CCNY: variants seen among roughly 807,000 people sequenced by gnomAD.
CCNY encodes the protein cyclin-Y.
CCNY carries 19 observed loss-of-function variants against 42.8 expected under a neutral mutation model. That is an observed-to-expected ratio of 0.44 (90% CI 0.31 to 0.65). The LOEUF is 0.65. Ranked by LOEUF, CCNY falls within the 30% of genes least tolerant of loss-of-function variation. CCNY has a pLI of 0.07. For missense variants in CCNY, 370 were observed against 437.3 expected, an observed-to-expected ratio of 0.85 and a Z score of 1.37; for synonymous variants, 165 against 162.7, an observed-to-expected ratio of 1.01 and a Z score of -0.11.
intron 1 of CCNY, among the ~76,000 whole-genome samples, chr10:35,476,885 A>G (rs1409268836): frequency 1.3e-5 from 2 of 152,144 alleles, no homozygotes; most frequent in African/African-American, 4.8e-5. Context: ...TTGATAGACC[A>G]CTAGCAAGAC....
chr10:35,261,366 A>T (rs112355105), intron 3 of CCNY, among the ~76,000 whole-genome samples: 55,094 of 151,172 alleles, frequency 0.36, 10,492 homozygotes, highest in African/African-American at 0.48. Context: ...GCTTCCCAAG[A>T]AGCTGAGATT....
chr10:35,383,418 C>T (rs1426435411), intron 1 of CCNY, among the ~76,000 whole-genome samples: 3 of 152,006 alleles, frequency 2.0e-5, no homozygotes, highest in Admixed American at 1.3e-4. Context: ...AGCAGTTCTC[C>T]TGCCCCAGCC....
chr10:35,460,514 T>G (rs1337806259), intron 1 of CCNY, among the ~76,000 whole-genome samples: 3 of 152,142 alleles, frequency 2.0e-5, no homozygotes, highest in African/African-American at 7.3e-5. Flanking sequence ...TTGGAATTTA[T>G]GTAGGTGAAA....
upstream of CCNY, chr10:35,335,902 A>G (rs1836013862): frequency 5.1e-5 from 3 of 58,556 alleles, no homozygotes; most frequent in African/African-American, 2.8e-4. Context: ...CTTTGGAGAC[A>G]CACACACACA....
intron 1 of CCNY, among the ~76,000 whole-genome samples, chr10:35,469,577 CAG>C (rs1839342336): frequency 7.2e-6 from 1 of 138,058 alleles, no homozygotes; most frequent in African/African-American, 3.4e-5. Flanking sequence ...GATGGACAGA[CAG>C]GGAGATGGAG....
intron 1 of CCNY, among the ~76,000 whole-genome samples, chr10:35,346,491 G>A: frequency 6.6e-6 from 1 of 152,244 alleles, no homozygotes; most frequent in Non-Finnish European, 1.5e-5. Flanking sequence ...GACTCTGGCA[G>A]AAGAGGTCAT....
At chr10:35,252,602 C>T (rs2095712776) in intron 3 of CCNY, among the ~76,000 whole-genome samples, 1 of 149,802 alleles carries the variant, frequency 6.7e-6, no homozygotes, top group South Asian at 2.1e-4. Context: ...ATGAGAATAT[C>T]CTTTGCACTT....
At chr10:35,429,669 A>G (rs1384289097) in intron 1 of CCNY, among the ~76,000 whole-genome samples, 1 of 152,196 alleles carries the variant, frequency 6.6e-6, no homozygotes, top group African/African-American at 2.4e-5. Flanking sequence ...AGTTGCTGGT[A>G]TGTAGTAACT....
intron 3 of CCNY, among the ~76,000 whole-genome samples, chr10:35,259,520 T>TTTTTTTTTTTA (rs56957825): frequency 6.9e-6 from 1 of 144,638 alleles, no homozygotes; most frequent in Non-Finnish European, 1.5e-5. Context: ...TTTTTTTTTT[T>TTTTTTTTTTTA]GAGACAGAGT....
chr10:35,358,048 G>T (rs1179872713), intron 1 of CCNY, among the ~76,000 whole-genome samples: 4 of 151,836 alleles, frequency 2.6e-5, no homozygotes, highest in Non-Finnish European at 4.4e-5. Context: ...TTAATTTCTG[G>T]CAGGACATTT....
chr10:35,277,762 G>A (rs1405098989), intron 3 of CCNY, among the ~76,000 whole-genome samples: 1 of 151,514 alleles, frequency 6.6e-6, no homozygotes, highest in Non-Finnish European at 1.5e-5. Context: ...CTGTCACAGA[G>A]CTCACATTTG....
chr10:35,560,677 C>T (rs533478989), intron 8 of CCNY, among the ~76,000 whole-genome samples: 1 of 152,242 alleles, frequency 6.6e-6, no homozygotes, highest in Non-Finnish European at 1.5e-5. Flanking sequence ...ATGAAATCTA[C>T]ATTCTAGGAG....
chr10:35,562,682 G>C (rs1225860863), intron 8 of CCNY, among the ~76,000 whole-genome samples: 1 of 152,014 alleles, frequency 6.6e-6, no homozygotes, highest in Admixed American at 6.6e-5. Context: ...ACTTCACTGG[G>C]GGTCTGTGTC....
At position 35,370,906 on chromosome 10, in the gene CCNY, A is replaced by G. The variant is rs575451220; in HGVS notation, c.154+33699A>G. The stretch of plus-strand genomic sequence containing the variant: ...AATTTTGTGTATTTTTAGTAGAGAC[A>G]GGGTTTCACCATGTTAGCCAGGATG... On this transcript the variant is annotated intron_variant, in intron 1 of 9. Coordinates refer to ENST00000374704, the MANE Select transcript of CCNY (RefSeq NM_145012.6). Among the ~76,000 whole-genome samples, 798 of 150,836 alleles carry G rather than the reference A, an allele frequency of 5.3e-3. 6 individuals are homozygous for G. Among genetic ancestry groups the G allele is most frequent in the African/African-American group, 0.019 (760 of 40,800 alleles).
intron 1 of CCNY, among the ~76,000 whole-genome samples, chr10:35,469,819 G>C (rs193160624): frequency 6.6e-6 from 1 of 151,704 alleles, no homozygotes; most frequent in Non-Finnish European, 1.5e-5. Context: ...TGGAGAGATA[G>C]GGAGATGGAG....
In CCNY at chr10:35,259,495, G is replaced by GTTTTTTTT. The variant is rs35988898; in HGVS notation, c.-9+8887_-9+8894dup. On this transcript the variant is annotated intron_variant, in intron 3 of 11. Transcript: ENST00000374706. ...TAAACCACCACACCCAGTCCTGGTTGTTTTTTTTTTTTTTTTTTTTTTTTT... is the reference window on the plus strand; with the variant it reads ...TAAACCACCACACCCAGTCCTGGTTGTTTTTTTTTTTTTTTTTTTTTTTTTTTTTTTTT... 5.4e-4 allele frequency among the ~76,000 whole-genome samples: 35 copies of GTTTTTTTT among 65,146 alleles called. 2 individuals carry two copies. The highest frequency in any genetic ancestry group is 2.1e-3 in the East Asian group (4 of 1,882). The allele number at this position is 65,146 out of a possible 152,430, so 42.7% of individuals were successfully genotyped here. A position where few individuals can be genotyped will look rare whatever the true frequency, so the allele number is the denominator to read the frequency against.
intron 8 of CCNY, among the ~76,000 whole-genome samples, chr10:35,565,650 C>T (rs1444939048): frequency 6.6e-6 from 1 of 152,200 alleles, no homozygotes; most frequent in East Asian, 1.9e-4. Flanking sequence ...CCTCTGGGCC[C>T]CTGCGGAAGG....
At chr10:35,366,012 GT>G (rs1457042229) in intron 1 of CCNY, among the ~76,000 whole-genome samples, 1 of 152,218 alleles carries the variant, frequency 6.6e-6, no homozygotes, top group Non-Finnish European at 1.5e-5. Context: ...AAAATTGAGA[GT>G]TGTTGCTGTA....
chr10:35,341,766 G>A (rs1212794527), intron 1 of CCNY, among the ~76,000 whole-genome samples: 1 of 152,128 alleles, frequency 6.6e-6, no homozygotes, highest in Non-Finnish European at 1.5e-5. Flanking sequence ...GTAGCAGATA[G>A]GGTGAAGTAC....
Sources: gnomAD v4.1 joint callset for allele counts (sites outside exome capture counted in the v4.1 genomes callset) on GRCh38, gnomAD v4.1.1 for gene constraint, MANE v1.5 for transcripts, NCBI Gene and HGNC (gene_info 2026-07-23, HGNC 2026-07-21) for gene names.